The following PRKAG2 variants were observed in gnomAD, a reference collection of about 807,000 sequenced individuals.
PRKAG2 encodes the protein protein kinase AMP-activated non-catalytic subunit gamma 2.
A neutral mutation model predicts 69.6 loss-of-function variants in PRKAG2; 26 were observed. That is an observed-to-expected ratio of 0.37 (90% CI 0.27 to 0.52). The LOEUF (loss-of-function observed/expected upper bound fraction) is 0.52, where lower values mean the gene tolerates loss of function less well. PRKAG2 is among the 20% of genes least tolerant of loss of function. PRKAG2 has a pLI of 0.90. For missense variants in PRKAG2, 557 were observed against 740.0 expected (o/e 0.75, Z 2.87); for synonymous variants, 293 against 285.0 (o/e 1.03, Z -0.28).
chr7:151,855,953 G>T (rs2079765369), intron 1 of PRKAG2, among the ~76,000 whole-genome samples: 1 of 152,220 alleles, frequency 6.6e-6, no homozygotes, highest in Admixed American at 6.5e-5. Flanking sequence ...AAAAACAGTA[G>T]CCACAGGAAG....
chr7:151,795,545 C>T (rs996263783), intron 1 of PRKAG2, among the ~76,000 whole-genome samples: 8 of 152,096 alleles, frequency 5.3e-5, no homozygotes, highest in African/African-American at 1.2e-4. Context: ...GTCAGCCTGG[C>T]GAGGCCATAG....
chr7:151,566,562 C>A (rs1026091524), intron 11 of PRKAG2: 30 of 450,200 alleles, frequency 6.7e-5, no homozygotes, highest in Middle Eastern at 3.4e-4. Flanking sequence ...TCTACGGTTT[C>A]AAAAATCCAC....
chr7:151,736,187 A>AC, intron 3 of PRKAG2: 1 of 1,418,426 alleles, frequency 7.1e-7, no homozygotes, highest in Non-Finnish European at 9.2e-7. Flanking sequence ...CTTCAGGGCG[A>AC]CCTCACCGCA....
At chr7:151,658,082 C>T (rs893413575) in intron 4 of PRKAG2, among the ~76,000 whole-genome samples, 21 of 150,148 alleles carry the variant, frequency 1.4e-4, no homozygotes, top group African/African-American at 4.9e-4. Context: ...GGCGTGAACC[C>T]GGGAGGCGGA....
intron 5 of PRKAG2, among the ~76,000 whole-genome samples, chr7:151,602,663 T>G (rs114565247): frequency 0.012 from 1,765 of 152,282 alleles, 35 homozygotes; most frequent in African/African-American, 0.04. Context: ...TTTATCATCT[T>G]ACGTTATTGA....
At position 151,595,456 on chromosome 7, in the gene PRKAG2, T is replaced by G; in HGVS notation, c.755-2A>C. ...CACCACTTTCTGAGTCTTCTACTGC[T>G]AAAAGAAAAAAAGGCAAAACATCAG... On this transcript the variant is annotated splice_acceptor_variant, in intron 5 of 15. Coordinates refer to ENST00000287878, the MANE Select transcript of PRKAG2 (RefSeq NM_016203.4). LOFTEE classifies it high-confidence loss of function. The G allele has an allele frequency of 6.2e-7, 1 of 1,610,064 alleles. No individual in the cohort carries two copies. The highest frequency in any genetic ancestry group is 2.2e-5 in the East Asian group (1 of 44,840).
intron 3 of PRKAG2, among the ~76,000 whole-genome samples, chr7:151,767,058 C>G (rs4725428): frequency 0.7 from 106,804 of 152,014 alleles, 38,075 homozygotes; most frequent in East Asian, 0.98. Flanking sequence ...GGGATAGTCT[C>G]CTTAGAAAAA....
intron 3 of PRKAG2, among the ~76,000 whole-genome samples, chr7:151,727,087 C>T (rs1798102951): frequency 2.0e-5 from 3 of 151,976 alleles, no homozygotes; most frequent in Admixed American, 6.6e-5. Flanking sequence ...TGGTGGTATG[C>T]GCCTGTAATC....
chr7:151,646,375 A>G (rs1203453944), intron 4 of PRKAG2, among the ~76,000 whole-genome samples: 1 of 152,126 alleles, frequency 6.6e-6, no homozygotes, highest in African/African-American at 2.4e-5. Context: ...TGTAGTTTTC[A>G]CCATGGAGGT....
chr7:151,661,430 C>T (rs1372191796), intron 4 of PRKAG2, among the ~76,000 whole-genome samples: 9 of 152,242 alleles, frequency 5.9e-5, no homozygotes, highest in African/African-American at 2.4e-5. Flanking sequence ...CAACCCCCCA[C>T]CTTGGCCTCC....
In PRKAG2 at chr7:151,579,880, A is replaced by T. The variant is rs759638006; in HGVS notation, c.865-3428T>A. Among the ~76,000 whole-genome samples, 219 of 152,230 alleles carry T rather than the reference A, an allele frequency of 1.4e-3. 4 individuals are homozygous for T. The highest frequency in any genetic ancestry group is 7.9e-4 in the Non-Finnish European group (54 of 68,040). On this transcript the variant is annotated intron_variant, in intron 6 of 15. Transcript: ENST00000287878. ...GGCTGACTTTCCAGCAGAAACTATG[A>T]AAGTCAGAAGACAAGAGAAAGAAAA... is the stretch of plus-strand genomic sequence containing the variant.
intron 3 of PRKAG2, among the ~76,000 whole-genome samples, chr7:151,745,197 GCA>G (rs2151722541): frequency 6.6e-6 from 1 of 152,276 alleles, no homozygotes; most frequent in East Asian, 1.9e-4. Context: ...TACCTGCAAA[GCA>G]CCCAGTCCCC....
At chr7:151,787,979 C>T (rs947860539) in intron 1 of PRKAG2, among the ~76,000 whole-genome samples, 1 of 152,206 alleles carries the variant, frequency 6.6e-6, no homozygotes, top group African/African-American at 2.4e-5. Flanking sequence ...CCTCCAGAAT[C>T]ATGAGAAAAC....
intron 14 of PRKAG2, among the ~76,000 whole-genome samples, chr7:151,562,794 C>T (rs983012634): frequency 4.0e-5 from 6 of 150,258 alleles, no homozygotes; most frequent in East Asian, 2.0e-4. Context: ...GGTGAAACCC[C>T]GTCTCTACTA....
chr7:151,783,608 G>A (rs760398816), intron 2 of PRKAG2, among the ~76,000 whole-genome samples: 1 of 150,568 alleles, frequency 6.6e-6, no homozygotes, highest in Non-Finnish European at 1.5e-5. Context: ...GACAAATCCT[G>A]AGAATAAATT....
At chr7:151,653,367 G>A (rs1201680358) in intron 4 of PRKAG2, among the ~76,000 whole-genome samples, 1 of 152,078 alleles carries the variant, frequency 6.6e-6, no homozygotes, top group Non-Finnish European at 1.5e-5. Flanking sequence ...CCTTTAGATC[G>A]AAAACAGGAA....
chr7:151,827,849 G>A (rs2151871602), intron 1 of PRKAG2, among the ~76,000 whole-genome samples: 1 of 150,252 alleles, frequency 6.7e-6, no homozygotes, highest in African/African-American at 2.4e-5. Context: ...GCCCCAGGAG[G>A]ACCACGTGGC....
chr7:151,614,352 GGTTAC>G lies in PRKAG2; in HGVS notation c.754+17712_754+17716del, dbSNP rs1445112313. The stretch of plus-strand genomic sequence containing the variant: ...AGGGTGGCAGGGAGGCCATGGGGTC[GGTTAC>G]GTTGGGCGCTTGGCATGTGCTCTGT... On this transcript the variant is annotated intron_variant, in intron 5 of 15. Coordinates refer to ENST00000287878, the MANE Select transcript of PRKAG2 (RefSeq NM_016203.4). This position sits in a 1 kb window ranked among gnomAD's most constrained non-coding sequence, Gnocchi z 4.4. Among the ~76,000 whole-genome samples the G allele has an allele frequency of 6.6e-6, 1 of 152,100 alleles. No individual in the cohort carries two copies. The highest frequency in any genetic ancestry group is 1.5e-5 in the Non-Finnish European group (1 of 67,998).
At chr7:151,727,386 G>A (rs1185846191) in intron 3 of PRKAG2, among the ~76,000 whole-genome samples, 1 of 152,122 alleles carries the variant, frequency 6.6e-6, no homozygotes, top group East Asian at 1.9e-4. Context: ...CATCGAGGTG[G>A]GGAGGACCCC....
Sources: gnomAD v4.1 joint callset for allele counts (sites outside exome capture counted in the v4.1 genomes callset) on GRCh38, gnomAD v4.1.1 for gene constraint, Gnocchi (gnomAD v3.1) non-coding constraint, MANE v1.5 for transcripts, NCBI Gene and HGNC (gene_info 2026-07-23, HGNC 2026-07-21) for gene names.